Variants in STAU2 observed in about 807,000 individuals in gnomAD.
STAU2 encodes double-stranded RNA-binding protein Staufen homolog 2.
In STAU2, 20 loss-of-function variants were observed where a neutral mutation model predicts 65.9. The observed-to-expected ratio is 0.30, with a 90% CI of 0.21 to 0.44. The LOEUF is 0.44. Among genes scored for constraint, STAU2 ranks in the 20% least tolerant of loss-of-function variants. The pLI is 1.00. For missense variants in STAU2, 558 were observed against 683.9 expected (o/e 0.82, Z 2.05); for synonymous variants, 232 against 233.9 (o/e 0.99, Z 0.07).
chr8:73,562,822 T>C (rs1315818337), intron 12 of STAU2, among the ~76,000 whole-genome samples: 1 of 151,950 alleles, frequency 6.6e-6, no homozygotes, highest in Non-Finnish European at 1.5e-5. Context: ...GTATAAATAT[T>C]AAGTACTGGG....
chr8:73,652,088 A>T (rs1331433277), intron 6 of STAU2, among the ~76,000 whole-genome samples: 1 of 152,210 alleles, frequency 6.6e-6, no homozygotes, highest in Non-Finnish European at 1.5e-5. Flanking sequence ...TTTTTTAAAA[A>T]GTGTTGGAAA....
rs558391379 is a variant in STAU2 at position 73,633,048 on chromosome 8, T to C, written c.411-15597A>G. On this transcript the variant is annotated intron_variant, in intron 6 of 14. Transcript: ENST00000524300. ...CAGGGAAAAAGGGAGTTGTATTCAC[T>C]GCAGCCCTAGTGTATGGTATCCAGC... Among the ~76,000 whole-genome samples the C allele has an allele frequency of 7.2e-5, 11 of 152,320 alleles. No individual in the cohort carries two copies. The East Asian group carries it at 1.4e-3, about 19-fold the overall frequency.
chr8:73,692,197 C>CT (rs542649483), intron 4 of STAU2, among the ~76,000 whole-genome samples: 10,359 of 144,802 alleles, frequency 0.072, 391 homozygotes, highest in Middle Eastern at 0.14. Flanking sequence ...CTACGTACTT[C>CT]TTTTTTTTTT....
intron 13 of STAU2, among the ~76,000 whole-genome samples, chr8:73,529,272 CTT>C (rs1196706543): frequency 3.3e-5 from 5 of 152,110 alleles, no homozygotes; most frequent in African/African-American, 9.7e-5. Context: ...AAAAATGAAA[CTT>C]ATCACATAAT....
intron 13 of STAU2, among the ~76,000 whole-genome samples, chr8:73,525,993 C>A (rs1448196668): frequency 6.6e-6 from 1 of 152,172 alleles, no homozygotes; most frequent in Non-Finnish European, 1.5e-5. Context: ...TTAGGCCATG[C>A]CCCTCAGGTT....
At chr8:73,423,852 T>C (rs1230780846) in intron 13 of STAU2, among the ~76,000 whole-genome samples, 1 of 152,182 alleles carries the variant, frequency 6.6e-6, no homozygotes, top group Non-Finnish European at 1.5e-5. Context: ...ACATCTTGCA[T>C]TGGTATGGTA....
chr8:73,442,872 CAGA>C (rs1046866495), intron 13 of STAU2, among the ~76,000 whole-genome samples: 1 of 152,156 alleles, frequency 6.6e-6, no homozygotes, highest in Admixed American at 6.5e-5. Context: ...CTTTCAAAAG[CAGA>C]AGATTTTCTT....
chr8:73,553,661 A>C (rs1748954115), intron 12 of STAU2, among the ~76,000 whole-genome samples: 1 of 151,934 alleles, frequency 6.6e-6, no homozygotes, highest in South Asian at 2.1e-4. Flanking sequence ...CCTCTGACTC[A>C]GTCATTTCCA....
chr8:73,521,995 C>T (rs1823068392), intron 13 of STAU2, among the ~76,000 whole-genome samples: 2 of 152,150 alleles, frequency 1.3e-5, no homozygotes, highest in South Asian at 4.1e-4. Flanking sequence ...TTCATTCTTT[C>T]ATGTATATGA....
intron 12 of STAU2, among the ~76,000 whole-genome samples, chr8:73,565,735 C>A (rs560241240): frequency 6.6e-6 from 1 of 152,224 alleles, no homozygotes; most frequent in South Asian, 2.1e-4. Context: ...CTTAATTGTA[C>A]ATGTAAGCTC....
intron 4 of STAU2, among the ~76,000 whole-genome samples, chr8:73,689,612 G>A (rs965981220): frequency 6.6e-6 from 1 of 152,066 alleles, no homozygotes; most frequent in Non-Finnish European, 1.5e-5. Context: ...TTCCATATGA[G>A]CCCCCAAACC....
intron 13 of STAU2, among the ~76,000 whole-genome samples, chr8:73,496,519 C>T (rs1821429331): frequency 6.6e-6 from 1 of 151,618 alleles, no homozygotes; most frequent in Non-Finnish European, 1.5e-5. Context: ...AGATCAATCC[C>T]TTTACTTCTT....
At chr8:73,436,259 A>G (rs1282609193) in intron 13 of STAU2, among the ~76,000 whole-genome samples, 1 of 151,720 alleles carries the variant, frequency 6.6e-6, no homozygotes, top group African/African-American at 2.4e-5. Flanking sequence ...GCCCCAGCAT[A>G]AAAGATGGTA....
At chr8:73,698,126 T>C (rs1388442007) in intron 4 of STAU2, among the ~76,000 whole-genome samples, 1 of 151,740 alleles carries the variant, frequency 6.6e-6, no homozygotes, top group Non-Finnish European at 1.5e-5. Flanking sequence ...GCAAGCCTCA[T>C]AGTAACCTCA....
Position 73,738,364 on chromosome 8 carries a change from T to A in STAU2, c.-83-15A>T. The A allele has an allele frequency of 1.3e-6, 2 of 1,579,932 alleles. No homozygotes were observed. The highest frequency in any genetic ancestry group is 4.6e-5 in the East Asian group (2 of 43,948). ...GGCTCCAAAAACTGGAAAACGAAAA[T>A]GAAGAAATAAAGTTCAACTTAGCTG... On this transcript the variant is annotated splice_polypyrimidine_tract_variant and intron_variant, in intron 2 of 14. Transcript: ENST00000524300.
chr8:73,505,273 A>G (rs1415417936), intron 13 of STAU2, among the ~76,000 whole-genome samples: 1 of 152,196 alleles, frequency 6.6e-6, no homozygotes, highest in East Asian at 1.9e-4. Flanking sequence ...AAAACAGTTA[A>G]GCAAAAGGAA....
At chr8:73,738,773 T>C (rs1026265323) in intron 2 of STAU2, among the ~76,000 whole-genome samples, 1 of 152,196 alleles carries the variant, frequency 6.6e-6, no homozygotes, top group Non-Finnish European at 1.5e-5. Context: ...TTTGCAGTCC[T>C]GTTTTAAACA....
rs1253172555 is a variant in STAU2 at position 73,420,762 on chromosome 8, T to C, written c.*610A>G. ...TGCTCTTAACATTAGTTCGTATTTT[T>C]CATCAGATATCTGACCTGATTTAAA... On this transcript the variant is annotated 3_prime_UTR_variant, in exon 15 of 15. Coordinates refer to ENST00000524300, the MANE Select transcript of STAU2 (RefSeq NM_001164380.2). The C allele has an allele frequency of 6.4e-6, 1 of 155,726 alleles. No homozygotes were observed. The highest frequency in any genetic ancestry group is 1.4e-5 in the Non-Finnish European group (1 of 70,088). 9.6% of individuals were successfully genotyped at this position (155,726 alleles called of 1,614,324 possible).
intron 13 of STAU2, chr8:73,527,598 C>G: frequency 2.2e-6 from 2 of 902,036 alleles, no homozygotes; most frequent in Non-Finnish European, 3.4e-6. Flanking sequence ...TTAAGGAAAG[C>G]AAAGCTGCAT....
Sources: allele counts gnomAD v4.1 joint callset (sites outside exome capture counted in the v4.1 genomes callset), GRCh38; gene constraint gnomAD v4.1.1; transcripts MANE v1.5; gene names NCBI Gene and HGNC (gene_info 2026-07-23, HGNC 2026-07-21).